Variants in TXLNA observed in about 807,000 individuals in gnomAD.
The protein encoded by TXLNA is taxilin alpha.
TXLNA carries 9 observed loss-of-function variants against 61.4 expected under a neutral mutation model. That is an observed-to-expected ratio of 0.15 (90% CI 0.09 to 0.26). The LOEUF (loss-of-function observed/expected upper bound fraction) is 0.26, where lower values mean the gene tolerates loss of function less well. Ranked by LOEUF, TXLNA falls within the 10% of genes least tolerant of loss-of-function variation. TXLNA has a pLI of 1.00. For missense variants in TXLNA, 565 were observed against 688.8 expected (o/e 0.82, Z 2.01); for synonymous variants, 257 against 267.7 (o/e 0.96, Z 0.39).
chr1:32,180,968 T>C (rs1185303533), intron 2 of TXLNA, among the ~76,000 whole-genome samples: 5 of 152,330 alleles, frequency 3.3e-5, no homozygotes, highest in Admixed American at 3.3e-4. Flanking sequence ...CGGGTGGTAG[T>C]GAGAAATAGT....
In TXLNA at chr1:32,190,054, GGAA is replaced by G; in HGVS notation, c.773_775del (p.Glu258del). On this transcript the variant is annotated inframe_deletion and splice_region_variant, in exon 6 of 11. Transcript: ENST00000373610. ...GCTCTCGGGCTGACTTCTTTGCCCA[GGAA>G]GAAGGTGTGCAGCGGGCCCGGGAGG... The G allele has an allele frequency of 6.4e-7, 1 of 1,564,358 alleles. No homozygotes were observed. Among genetic ancestry groups the G allele is most frequent in the Non-Finnish European group, 8.7e-7 (1 of 1,152,122 alleles).
intron 1 of TXLNA, 36 bp from the exon 2 acceptor site, chr1:32,180,278 A>C: frequency 6.6e-7 from 1 of 1,508,402 alleles, no homozygotes; most frequent in Non-Finnish European, 8.9e-7. Flanking sequence ...AAGAATTTCG[A>C]AGTCTGGAAA....
At position 32,192,457 on chromosome 1, in the gene TXLNA, T is replaced by TA; in HGVS notation, c.1083+27_1083+28insA. 16 of 1,523,404 alleles carry TA rather than the reference T, an allele frequency of 1.1e-5. No homozygotes were observed. Among genetic ancestry groups the TA allele is most frequent in the East Asian group, 2.5e-5 (1 of 40,332 alleles). 94.4% of individuals were successfully genotyped at this position (1,523,404 alleles called of 1,614,324 possible). ...TGAGGCTCAGGCCCCAGGGTTGGGG[T>TA]GGGGGTGGGAGGAGACAGGCTGGGC... On this transcript the variant is annotated intron_variant, in intron 7 of 10. Coordinates refer to ENST00000373610, the MANE Select transcript of TXLNA (RefSeq NM_175852.4). The surrounding 1 kb of genome is among the most constrained non-coding windows in gnomAD (Gnocchi z 4.2).
rs1336337906 is a variant in TXLNA, at chr1:32,180,505, A to C, written c.160A>C (p.Lys54Gln). ...EGPGSSQAPR[K>Q]PEGAQARTAQ... is the part of the protein sequence containing the mutation. Reference sequence around the variant, plus strand: ...TCCCGGCAGCAGCCAGGCTCCTCGGAAGCCGGAGGGTGTGTGCCAGCTCTG... The same window carrying C: ...TCCCGGCAGCAGCCAGGCTCCTCGGCAGCCGGAGGGTGTGTGCCAGCTCTG... Residue 54 changes from lysine to glutamine, a missense_variant, in exon 2 of 11, where the codon AAG becomes CAG. Lys to Gln is a moderately conservative substitution (Grantham distance 53). This residue lies in a region of TXLNA where 192 missense variants were observed against 184.8 expected (regional missense o/e 1.04). Transcript: ENST00000373610. 6.2e-7 allele frequency: 1 copy of C among 1,602,116 alleles called. No individual in the cohort carries two copies. Among genetic ancestry groups the C allele is most frequent in the Admixed American group, 1.7e-5 (1 of 57,748 alleles).
intron 3 of TXLNA, among the ~76,000 whole-genome samples, chr1:32,183,062 A>G (rs181862324): frequency 6.6e-6 from 1 of 151,686 alleles, no homozygotes; most frequent in Admixed American, 6.6e-5. Context: ...GTGAGACTCC[A>G]TCTCAAAAAA....
chr1:32,180,142 G>C, intron 1 of TXLNA, 172 bp from the exon 2 acceptor site: 3 of 572,066 alleles, frequency 5.2e-6, no homozygotes, highest in Non-Finnish European at 8.7e-6. Flanking sequence ...AGCCTGCCCC[G>C]GCACGTCGGG....
intron 3 of TXLNA, 145 bp from the exon 4 acceptor site, chr1:32,184,380 C>T (rs1642737372): frequency 6.3e-6 from 4 of 630,210 alleles, no homozygotes; most frequent in Non-Finnish European, 8.8e-6. Context: ...TTGAGTTGGT[C>T]CTTATGGCAA....
chr1:32,185,169 CT>C (rs1384453845), intron 4 of TXLNA, among the ~76,000 whole-genome samples: 1 of 152,190 alleles, frequency 6.6e-6, no homozygotes, highest in Non-Finnish European at 1.5e-5. Context: ...TCCAATTCAG[CT>C]TCAACTTTTT....
At chr1:32,188,157 G>A (rs779979359) in intron 5 of TXLNA, 33 bp downstream of exon 5, 2 of 1,515,502 alleles carry the variant, frequency 1.3e-6, no homozygotes, top group Non-Finnish European at 1.8e-6. Flanking sequence ...AGGTGACTCT[G>A]GTTTCCTTGA....
At position 32,195,893 on chromosome 1, in the gene TXLNA, G is replaced by A. The variant is rs1250889008; in HGVS notation, c.*698G>A. 1 of 410,520 alleles carries A rather than the reference G, an allele frequency of 2.4e-6. No individual in the cohort carries two copies. Among genetic ancestry groups the A allele is most frequent in the Non-Finnish European group, 4.9e-6 (1 of 203,440 alleles). 25.4% of individuals were successfully genotyped at this position (410,520 alleles called of 1,614,324 possible). A position where few individuals can be genotyped will look rare whatever the true frequency, so the allele number is the denominator to read the frequency against. On this transcript the variant is annotated 3_prime_UTR_variant, in exon 11 of 11. Transcript: ENST00000373610. ...TTCTCAGTAGCCTTATCATTCACAG[G>A]TGCCTCTCTAGCCTGCACAAATGAT...
In TXLNA at chr1:32,194,076, G is replaced by A; in HGVS notation, c.1263G>A (p.Lys421=). The change falls in exon 10 of 11, where the codon AAG becomes AAA. Residue 421 remains lysine, a synonymous_variant. Coordinates refer to ENST00000373610, the MANE Select transcript of TXLNA (RefSeq NM_175852.4). ...FKQEMEKMTK[K]IKKLEKETTM... is the part of the protein sequence containing the mutation. ...GTCACATAACCTAGATGACTAAGAA[G>A]ATCAAGAAGCTGGAGAAAGAAACCA... is the stretch of plus-strand genomic sequence containing the variant. 1 of 1,613,416 alleles carries A rather than the reference G, an allele frequency of 6.2e-7. No homozygotes were observed. The highest frequency in any genetic ancestry group is 8.5e-7 in the Non-Finnish European group (1 of 1,179,686).
chr1:32,183,665 C>T (rs1444816312), intron 3 of TXLNA, among the ~76,000 whole-genome samples: 2 of 150,908 alleles, frequency 1.3e-5, no homozygotes, highest in East Asian at 2.0e-4. Flanking sequence ...CTCCTGACCT[C>T]GTGATCCGCC....
chr1:32,189,827 C>T (rs1642866232), intron 5 of TXLNA, among the ~76,000 whole-genome samples: 1 of 152,054 alleles, frequency 6.6e-6, no homozygotes, highest in South Asian at 2.1e-4. Flanking sequence ...AGGCGTGAGC[C>T]ACCGCGCCTG....
intron 5 of TXLNA, 26 bp from the exon 6 acceptor site, chr1:32,190,029 G>A: frequency 1.3e-6 from 2 of 1,536,396 alleles, no homozygotes; most frequent in South Asian, 2.4e-5. Context: ...GTGGATGATG[G>A]CTCTCGGGCT....
At chr1:32,182,822 CTT>C (rs1239791287) in intron 3 of TXLNA, among the ~76,000 whole-genome samples, 1 of 151,622 alleles carries the variant, frequency 6.6e-6, no homozygotes, top group African/African-American at 2.4e-5. Flanking sequence ...AACTCCAGCA[CTT>C]TGGGAGGCCA....
Position 32,180,484 on chromosome 1 carries a change from G to A in TXLNA, c.139G>A (p.Gly47Ser). 7 of 1,609,462 alleles carry A rather than the reference G, an allele frequency of 4.3e-6. No individual in the cohort carries two copies. Among genetic ancestry groups the A allele is most frequent in the Non-Finnish European group, 5.9e-6 (7 of 1,177,938 alleles). ...TCCTGCAGTAGAAGCAGAAGGTCCC[G>A]GCAGCAGCCAGGCTCCTCGGAAGCC... Reference protein sequence around the residue: ...AAPAVEAEGPGSSQAPRKPEG... With the variant: ...AAPAVEAEGPSSSQAPRKPEG... The change falls in exon 2 of 11, where the codon GGC becomes AGC. Residue 47 changes from glycine to serine, a missense_variant. By Grantham distance (56) the Gly-to-Ser change is moderately conservative. Coordinates refer to ENST00000373610, the MANE Select transcript of TXLNA (RefSeq NM_175852.4).
chr1:32,188,706 A>G (rs942594506), intron 5 of TXLNA, among the ~76,000 whole-genome samples: 1 of 152,200 alleles, frequency 6.6e-6, no homozygotes, highest in African/African-American at 2.4e-5. Flanking sequence ...CCTTACGTTA[A>G]GAGAGTACTG....
In TXLNA at chr1:32,195,147, A is replaced by C; in HGVS notation, c.1593A>C (p.Glu531Asp). 6.2e-7 allele frequency: 1 copy of C among 1,613,520 alleles called. No individual in the cohort carries two copies. Among genetic ancestry groups the C allele is most frequent in the Non-Finnish European group, 8.5e-7 (1 of 1,179,702 alleles). The change falls in exon 11 of 11, where the codon GAA (glutamate) becomes GAC (aspartate). Residue 531 changes from glutamate to aspartate, a missense_variant. Physicochemically the swap from Glu to Asp is conservative, Grantham distance 45. Around this residue, in one of 2 missense-constraint regions of TXLNA, gnomAD observed 373 missense variants for 504.0 expected, o/e 0.74. Coordinates refer to ENST00000373610, the MANE Select transcript of TXLNA (RefSeq NM_175852.4). ...GCTACCCAGGAGCACCGAGCACAGA[A>C]GCATCAGGCCAGACTGGGCCTCAAG... is the stretch of plus-strand genomic sequence containing the variant. ...APCYPGAPST[E>D]ASGQTGPQEP...
At chr1:32,182,097 GCTTT>G (rs971799933) in intron 3 of TXLNA, among the ~76,000 whole-genome samples, 18 of 106,212 alleles carry the variant, frequency 1.7e-4, no homozygotes, top group Non-Finnish European at 2.7e-4. Context: ...GTGCAGTCAG[GCTTT>G]TTTTTTTTTT....
Sources: gnomAD v4.1 joint callset for allele counts (sites outside exome capture counted in the v4.1 genomes callset) on GRCh38, gnomAD v4.1.1 for gene constraint, gnomAD v4.1.1 regional missense constraint, Gnocchi (gnomAD v3.1) non-coding constraint, MANE v1.5 for transcripts, NCBI Gene and HGNC (gene_info 2026-07-23, HGNC 2026-07-21) for gene names.